TAF4B: variants seen among roughly 807,000 people sequenced by gnomAD.
TAF4B encodes transcription initiation factor TFIID subunit 4B.
TAF4B carries 38 observed loss-of-function variants against 86.4 expected under a neutral mutation model. The observed-to-expected ratio is 0.44, with a 90% CI of 0.34 to 0.58. TAF4B has a LOEUF of 0.58. Among genes scored for constraint, TAF4B ranks in the 20% least tolerant of loss-of-function variants. The pLI is 0.02. For missense variants in TAF4B, 988 were observed against 1,027.6 expected, an observed-to-expected ratio of 0.96 and a Z score of 0.53; for synonymous variants, 388 against 391.2, an observed-to-expected ratio of 0.99 and a Z score of 0.10.
intron 1 of TAF4B, among the ~76,000 whole-genome samples, chr18:26,244,236 T>G (rs1015758858): frequency 6.6e-6 from 1 of 151,724 alleles, no homozygotes; most frequent in African/African-American, 2.4e-5. Context: ...CAGTTCAAGC[T>G]CCCCGCCACT....
At chr18:26,233,366 G>T (rs1378531850) in intron 1 of TAF4B, among the ~76,000 whole-genome samples, 3 of 152,086 alleles carry the variant, frequency 2.0e-5, no homozygotes, top group African/African-American at 4.8e-5. Flanking sequence ...GCTGCAGGGG[G>T]TCCAGAGGTG....
chr18:26,316,212 A>C (rs1254882176), intron 10 of TAF4B, among the ~76,000 whole-genome samples: 1 of 152,118 alleles, frequency 6.6e-6, no homozygotes, highest in Non-Finnish European at 1.5e-5. Flanking sequence ...TTTATATTTT[A>C]TAACGAAGGC....
intron 1 of TAF4B, among the ~76,000 whole-genome samples, chr18:26,233,800 C>T (rs914145477): frequency 1.3e-5 from 2 of 152,190 alleles, no homozygotes; most frequent in African/African-American, 4.8e-5. Flanking sequence ...ATCCCCTTGA[C>T]TTAGGCATAT....
At chr18:26,333,779 T>C (rs2057069799) in intron 12 of TAF4B, among the ~76,000 whole-genome samples, 3 of 152,154 alleles carry the variant, frequency 2.0e-5, no homozygotes, top group African/African-American at 7.2e-5. Flanking sequence ...ATCATAAATG[T>C]GTTTCATTTT....
chr18:26,373,965 A>T (rs2057424934), intron 14 of TAF4B, among the ~76,000 whole-genome samples: 1 of 152,180 alleles, frequency 6.6e-6, no homozygotes. Flanking sequence ...GGAGCCCATG[A>T]TGTACCTTGT....
intron 14 of TAF4B, among the ~76,000 whole-genome samples, chr18:26,384,099 AT>A: frequency 6.6e-6 from 1 of 151,988 alleles, no homozygotes; most frequent in East Asian, 1.9e-4. Flanking sequence ...TATTTCTCAC[AT>A]TTGGACCTTG....
At chr18:26,389,585 A>G (rs1381275703) in intron 14 of TAF4B, among the ~76,000 whole-genome samples, 2 of 152,242 alleles carry the variant, frequency 1.3e-5, no homozygotes, top group Non-Finnish European at 1.5e-5. Context: ...AGCAAAGTAG[A>G]GCCTGGAAAT....
At position 26,321,058 on chromosome 18, in the gene TAF4B, C is replaced by T. The variant is rs149409446; in HGVS notation, c.2003-12C>T. ...TACTAAAACACGTAATGGATTTTCT[C>T]TGCTTCTGCAGGTAAAAAGCATGAC... On this transcript the variant is annotated splice_polypyrimidine_tract_variant and intron_variant, in intron 10 of 14. Coordinates refer to ENST00000269142, the MANE Select transcript of TAF4B (RefSeq NM_005640.3). 91 of 1,613,446 alleles carry T rather than the reference C, an allele frequency of 5.6e-5. No homozygotes were observed. In the African/African-American group the frequency reaches 1.1e-3, roughly 19 times the overall value.
chr18:26,312,270 A>C (rs2056860998), intron 9 of TAF4B, among the ~76,000 whole-genome samples: 1 of 152,232 alleles, frequency 6.6e-6, no homozygotes, highest in Non-Finnish European at 1.5e-5. Context: ...CCTCTTATCT[A>C]GCCTTACTGA....
intron 3 of TAF4B, among the ~76,000 whole-genome samples, chr18:26,270,317 A>G (rs1046736632): frequency 1.3e-5 from 2 of 152,146 alleles, no homozygotes; most frequent in Non-Finnish European, 2.9e-5. Context: ...CTCTACATCC[A>G]TGGGCTTTAA....
At chr18:26,271,787 T>G (rs893460166) in intron 3 of TAF4B, among the ~76,000 whole-genome samples, 1 of 151,380 alleles carries the variant, frequency 6.6e-6, no homozygotes, top group African/African-American at 2.4e-5. Flanking sequence ...AGCCGGGTGG[T>G]GTGGTGGGGG....
At chr18:26,262,112 C>G (rs2056176868) in intron 1 of TAF4B, among the ~76,000 whole-genome samples, 2 of 151,730 alleles carry the variant, frequency 1.3e-5, no homozygotes, top group South Asian at 4.2e-4. Flanking sequence ...GTACAGATTT[C>G]CTTTTATGAA....
intron 10 of TAF4B, 27 bp from the exon 11 acceptor site, chr18:26,321,043 C>A (rs563578391): frequency 6.2e-7 from 1 of 1,612,918 alleles, no homozygotes; most frequent in African/African-American, 1.3e-5. Flanking sequence ...TACTAAAACA[C>A]GTAATGGATT....
intron 7 of TAF4B, among the ~76,000 whole-genome samples, chr18:26,288,058 A>G (rs2056546705): frequency 6.6e-6 from 1 of 152,226 alleles, no homozygotes; most frequent in East Asian, 1.9e-4. Context: ...CTGGGCAGCC[A>G]GGTTTGAGAA....
intron 3 of TAF4B, among the ~76,000 whole-genome samples, chr18:26,273,331 G>A (rs999733073): frequency 5.3e-5 from 8 of 151,954 alleles, no homozygotes; most frequent in South Asian, 2.1e-4. Flanking sequence ...AAATGTATTA[G>A]CATATGGTAT....
At chr18:26,335,274 A>G (rs745530746) in intron 13 of TAF4B, 43 bp downstream of exon 13, 1 of 1,561,802 alleles carries the variant, frequency 6.4e-7, no homozygotes, top group South Asian at 1.1e-5. Context: ...TGTTTGAGGG[A>G]AGGTTGGCAG....
intron 14 of TAF4B, among the ~76,000 whole-genome samples, chr18:26,372,979 A>G (rs1438461053): frequency 3.9e-5 from 6 of 151,912 alleles, no homozygotes; most frequent in African/African-American, 7.2e-5. Context: ...AAAAAAAGTA[A>G]CAACACCTCT....
chr18:26,341,394 G>A (rs563318435), intron 13 of TAF4B, among the ~76,000 whole-genome samples: 34 of 151,942 alleles, frequency 2.2e-4, no homozygotes, highest in African/African-American at 8.2e-4. Flanking sequence ...TCCTTCCAGA[G>A]GACTGGAAAG....
At chr18:26,382,374 A>G (rs1978294735) in intron 14 of TAF4B, among the ~76,000 whole-genome samples, 1 of 152,188 alleles carries the variant, frequency 6.6e-6, no homozygotes, top group Non-Finnish European at 1.5e-5. Flanking sequence ...ACTGCCTTTC[A>G]GAATTCACTG....
Sources: allele counts gnomAD v4.1 joint callset (sites outside exome capture counted in the v4.1 genomes callset), GRCh38; gene constraint gnomAD v4.1.1; transcripts MANE v1.5; gene names NCBI Gene and HGNC (gene_info 2026-07-23, HGNC 2026-07-21).